The following LRBA variants were observed in gnomAD, a reference collection of about 807,000 sequenced individuals.
LRBA encodes lipopolysaccharide-responsive and beige-like anchor protein.
LRBA carries 176 observed loss-of-function variants against 330.0 expected under a neutral mutation model. The ratio of observed to expected loss-of-function variants is 0.53; its 90% confidence interval spans 0.47 to 0.60. The LOEUF is 0.60. Ranked by LOEUF, LRBA falls within the 20% of genes least tolerant of loss-of-function variation. LRBA has a pLI of 0.00. For synonymous variants in LRBA, 1,230 were observed against 1,193.0 expected, an observed-to-expected ratio of 1.03 and a Z score of -0.64; for missense variants, 3,259 against 3,444.8, an observed-to-expected ratio of 0.95 and a Z score of 1.35.
At chr4:150,365,284 G>C (rs995782758) in intron 47 of LRBA, among the ~76,000 whole-genome samples, 1 of 152,058 alleles carries the variant, frequency 6.6e-6, no homozygotes, top group East Asian at 1.9e-4. Context: ...TGGGATTACA[G>C]GAGTGAGCAA....
chr4:150,856,062 T>C (rs777724966), intron 22 of LRBA, among the ~76,000 whole-genome samples: 2 of 152,168 alleles, frequency 1.3e-5, no homozygotes, highest in Non-Finnish European at 2.9e-5. Context: ...TGTATTGGCA[T>C]GAAATACTTT....
chr4:150,277,820 A>T lies in LRBA; in HGVS notation c.8468+33T>A, dbSNP rs201369662. ...ACCAGTCCCCTCTGCAGTTTTTGAA[A>T]CCCCTATTTGTAGCCCATGATTCCA... On this transcript the variant is annotated intron_variant, in intron 56 of 56. Transcript: ENST00000651943. The T allele has an allele frequency of 1.3e-3, 2,088 of 1,605,526 alleles. 1 individual carries two copies. Among genetic ancestry groups the T allele is most frequent in the Non-Finnish European group, 1.7e-3 (1,958 of 1,173,860 alleles).
At chr4:150,559,839 T>TA (rs1767981316) in intron 40 of LRBA, among the ~76,000 whole-genome samples, 1 of 25,478 alleles carries the variant, frequency 3.9e-5, no homozygotes, top group Non-Finnish European at 8.4e-5. Context: ...TAAAATATAA[T>TA]ATATATAATA....
At chr4:150,810,578 C>T (rs1324835469) in intron 31 of LRBA, among the ~76,000 whole-genome samples, 1 of 152,118 alleles carries the variant, frequency 6.6e-6, no homozygotes, top group Admixed American at 6.6e-5. Context: ...CTAAAGCACA[C>T]ACTTCATCAT....
intron 56 of LRBA, among the ~76,000 whole-genome samples, chr4:150,276,121 T>G (rs1301180061): frequency 3.3e-5 from 5 of 152,036 alleles, no homozygotes; most frequent in African/African-American, 1.2e-4. Flanking sequence ...GCCTCAGAAA[T>G]AACACCATGC....
chr4:150,943,526 G>C (rs999709101), intron 2 of LRBA, among the ~76,000 whole-genome samples: 3 of 152,146 alleles, frequency 2.0e-5, no homozygotes, highest in African/African-American at 7.2e-5. Flanking sequence ...AAAAATAAAA[G>C]TGCTTGAAGT....
chr4:150,309,083 C>T (rs1021786560), intron 52 of LRBA, among the ~76,000 whole-genome samples: 2 of 152,122 alleles, frequency 1.3e-5, no homozygotes, highest in Admixed American at 1.3e-4. Flanking sequence ...GTGCCCTATA[C>T]AGGTATGCCA....
At chr4:150,480,356 A>ATAT (rs1757159659) in intron 42 of LRBA, among the ~76,000 whole-genome samples, 1 of 152,130 alleles carries the variant, frequency 6.6e-6, no homozygotes, top group Admixed American at 6.6e-5. Flanking sequence ...TACAAAACTA[A>ATAT]TATGTGAATT....
intron 35 of LRBA, 29 bp downstream of exon 35, chr4:150,761,754 A>G: frequency 7.0e-7 from 1 of 1,424,054 alleles, no homozygotes; most frequent in Non-Finnish European, 9.6e-7. Context: ...AAAGAAAAAT[A>G]CAAAATGAAT....
At chr4:150,850,680 G>A in intron 24 of LRBA, 44 bp downstream of exon 24, 6 of 1,178,576 alleles carry the variant, frequency 5.1e-6, no homozygotes, top group Non-Finnish European at 7.1e-6. Context: ...TGAAAATAAA[G>A]ACTAGGTTTA....
At position 150,926,772 on chromosome 4, in the gene LRBA, A is replaced by G. The variant is rs1430318835; in HGVS notation, c.549+1744T>C. ...AAATGGAAAATATTTAAAAGAACCA[A>G]ATAGAATTTACAGAAAGAGACCAGG... On this transcript the variant is annotated intron_variant, in intron 4 of 56. Coordinates refer to ENST00000651943, the MANE Select transcript of LRBA (RefSeq NM_001364905.1). 5.3e-5 allele frequency among the ~76,000 whole-genome samples: 8 copies of G among 152,250 alleles called. No homozygotes were observed. In the East Asian group the frequency reaches 1.5e-3, roughly 29 times the overall value.
chr4:150,445,387 A>C (rs371228356), intron 44 of LRBA, among the ~76,000 whole-genome samples: 20,689 of 96,678 alleles, frequency 0.21, 1,459 homozygotes, highest in African/African-American at 0.25. Context: ...CTATATATAT[A>C]TATATATATA....
intron 35 of LRBA, among the ~76,000 whole-genome samples, chr4:150,758,721 A>C (rs1430994870): frequency 6.6e-6 from 1 of 151,632 alleles, no homozygotes; most frequent in Non-Finnish European, 1.5e-5. Flanking sequence ...CCACAGGTGC[A>C]TGCCACCATA....
At chr4:150,963,155 C>T (rs1192504762) in intron 2 of LRBA, among the ~76,000 whole-genome samples, 2 of 148,390 alleles carry the variant, frequency 1.3e-5, no homozygotes, top group East Asian at 1.9e-4. Flanking sequence ...AATCCCTCTC[C>T]CTCTCACTCT....
At chr4:150,953,436 C>T (rs959173036) in intron 2 of LRBA, among the ~76,000 whole-genome samples, 4 of 149,880 alleles carry the variant, frequency 2.7e-5, no homozygotes, top group South Asian at 2.2e-4. Flanking sequence ...ACTGTACTGC[C>T]GCCATCTCGG....
chr4:150,886,610 A>G (rs1728962641), intron 17 of LRBA, among the ~76,000 whole-genome samples: 1 of 152,186 alleles, frequency 6.6e-6, no homozygotes, highest in Non-Finnish European at 1.5e-5. Flanking sequence ...AGAAAACCCA[A>G]AGTAGGGTAA....
intron 40 of LRBA, among the ~76,000 whole-genome samples, chr4:150,502,286 C>G (rs1486754954): frequency 6.6e-6 from 1 of 152,164 alleles, no homozygotes; most frequent in Non-Finnish European, 1.5e-5. Context: ...AAAGTTAGCT[C>G]TAGACTTAAT....
chr4:151,000,436 T>C (rs901807737), intron 2 of LRBA, among the ~76,000 whole-genome samples: 1 of 152,198 alleles, frequency 6.6e-6, no homozygotes, highest in African/African-American at 2.4e-5. Context: ...ACAATGTCTC[T>C]GTGTCACATC....
intron 46 of LRBA, among the ~76,000 whole-genome samples, chr4:150,431,220 T>A (rs953000211): frequency 1.3e-5 from 2 of 152,228 alleles, no homozygotes; most frequent in African/African-American, 4.8e-5. Flanking sequence ...CTGGGGATTT[T>A]AAAATATTAT....
Sources: gnomAD v4.1 joint callset for allele counts (sites outside exome capture counted in the v4.1 genomes callset) on GRCh38, gnomAD v4.1.1 for gene constraint, MANE v1.5 for transcripts, NCBI Gene and HGNC (gene_info 2026-07-23, HGNC 2026-07-21) for gene names.